Variants in KCNQ5 observed in about 807,000 individuals in gnomAD.
The protein encoded by KCNQ5 is potassium voltage-gated channel subfamily KQT member 5.
KCNQ5 carries 30 observed loss-of-function variants against 98.2 expected under a neutral mutation model. The ratio of observed to expected loss-of-function variants is 0.31; its 90% confidence interval spans 0.23 to 0.41. The LOEUF (loss-of-function observed/expected upper bound fraction) is 0.41. Among genes scored for constraint, KCNQ5 ranks in the 10% least tolerant of loss-of-function variants. The pLI is 1.00. For synonymous variants in KCNQ5, 458 were observed against 449.4 expected, an observed-to-expected ratio of 1.02 and a Z score of -0.24; for missense variants, 835 against 1,182.5, an observed-to-expected ratio of 0.71 and a Z score of 4.31.
intron 1 of KCNQ5, among the ~76,000 whole-genome samples, chr6:72,645,084 A>G (rs555037623): frequency 1.3e-5 from 2 of 151,584 alleles, no homozygotes; most frequent in African/African-American, 4.8e-5. Context: ...ACTCTTACTT[A>G]GGGGTCATGC....
At chr6:72,752,746 T>C (rs939658864) in intron 1 of KCNQ5, among the ~76,000 whole-genome samples, 1 of 152,112 alleles carries the variant, frequency 6.6e-6, no homozygotes. Context: ...CTAAGTTATT[T>C]TGAAGCTGTA....
At chr6:72,736,933 G>A (rs964318627) in intron 1 of KCNQ5, among the ~76,000 whole-genome samples, 2 of 151,804 alleles carry the variant, frequency 1.3e-5, no homozygotes, top group Non-Finnish European at 2.9e-5. Context: ...TTTAAAGAAT[G>A]TCAACTGTAT....
intron 1 of KCNQ5, among the ~76,000 whole-genome samples, chr6:72,882,179 T>C (rs1038697070): frequency 2.0e-5 from 3 of 152,238 alleles, no homozygotes; most frequent in Non-Finnish European, 2.9e-5. Flanking sequence ...AAAGACAGTA[T>C]ACTTTCCCAT....
At chr6:72,668,508 G>C (rs1766939496) in intron 1 of KCNQ5, among the ~76,000 whole-genome samples, 1 of 151,964 alleles carries the variant, frequency 6.6e-6, no homozygotes, top group Non-Finnish European at 1.5e-5. Context: ...ATTTAGAAAA[G>C]TTTTTTTGTG....
At chr6:72,963,470 T>C (rs566277785) in intron 1 of KCNQ5, among the ~76,000 whole-genome samples, 59 of 152,280 alleles carry the variant, frequency 3.9e-4, no homozygotes, top group East Asian at 3.5e-3. Context: ...TCTTACTAAA[T>C]GCCATAGAAA....
At chr6:72,794,920 A>C (rs905818586) in intron 1 of KCNQ5, among the ~76,000 whole-genome samples, 2 of 152,192 alleles carry the variant, frequency 1.3e-5, no homozygotes, top group African/African-American at 2.4e-5. Flanking sequence ...TAAGCAAAAA[A>C]CAAAATGTTA....
rs747268394 is a variant in KCNQ5, at chr6:72,622,330, G to A, written c.141G>A (p.Leu47=). ...KDVESGRGRV[L]LNSAAARGDG... Reference sequence around the variant, plus strand: ...TGGAGTCCGGCCGGGGCAGGGTGCTGCTGAACTCGGCAGCCGCCAGGGGCG... The same window carrying A: ...TGGAGTCCGGCCGGGGCAGGGTGCTACTGAACTCGGCAGCCGCCAGGGGCG... The change falls in exon 1 of 14, where the codon CTG becomes CTA. Residue 47 remains leucine, a synonymous_variant. Transcript: ENST00000370398. The surrounding 1 kb of genome is among the most constrained non-coding windows in gnomAD (Gnocchi z 6.0). 1.4e-6 allele frequency: 2 copies of A among 1,421,590 alleles called. No individual in the cohort carries two copies. The highest frequency in any genetic ancestry group is 1.8e-6 in the Non-Finnish European group (2 of 1,093,082). 88.1% of individuals were successfully genotyped at this position (1,421,590 alleles called of 1,614,324 possible).
intron 1 of KCNQ5, among the ~76,000 whole-genome samples, chr6:72,840,763 A>G (rs538314135): frequency 6.6e-6 from 1 of 152,326 alleles, no homozygotes; most frequent in South Asian, 2.1e-4. Context: ...ACCTTGCAAT[A>G]ATATAGGAAT....
At chr6:73,092,317 T>G (rs936221226) in intron 5 of KCNQ5, among the ~76,000 whole-genome samples, 5 of 152,276 alleles carry the variant, frequency 3.3e-5, no homozygotes, top group Admixed American at 3.3e-4. Flanking sequence ...ATTCATATCA[T>G]CAGCAAACAG....
chr6:72,866,198 A>T (rs12197861), intron 1 of KCNQ5, among the ~76,000 whole-genome samples: 53,395 of 148,756 alleles, frequency 0.36, 10,071 homozygotes, highest in South Asian at 0.5. Context: ...CAACTTTATT[A>T]TGTCCCCTCA....
At chr6:73,176,757 G>A (rs767263372) in intron 11 of KCNQ5, among the ~76,000 whole-genome samples, 4 of 152,144 alleles carry the variant, frequency 2.6e-5, no homozygotes, top group Non-Finnish European at 2.9e-5. Context: ...GGTGAGACAG[G>A]CTGGCTTGAG....
rs1775438898 is a variant in KCNQ5, at chr6:72,815,054, G to A, written c.399-188854G>A. The stretch of plus-strand genomic sequence containing the variant: ...GAAGTGGACCATGGTCAGGAAATAT[G>A]GGATTCAGTTTGGGATAATTTTTTT... On this transcript the variant is annotated intron_variant, in intron 1 of 13. Coordinates refer to ENST00000370398, the MANE Select transcript of KCNQ5 (RefSeq NM_019842.4). 2.6e-5 allele frequency among the ~76,000 whole-genome samples: 4 copies of A among 152,162 alleles called. No individual in the cohort carries two copies. The South Asian group carries it at 8.3e-4, about 31-fold the overall frequency.
At chr6:72,886,690 A>G (rs1778855760) in intron 1 of KCNQ5, among the ~76,000 whole-genome samples, 1 of 152,182 alleles carries the variant, frequency 6.6e-6, no homozygotes, top group Non-Finnish European at 1.5e-5. Context: ...TAAGCAGACA[A>G]CATAAGAAAG....
rs778022470 is a variant in KCNQ5 at position 73,077,476 on chromosome 6, A to G, written c.771A>G (p.Ser257=). ...GAGGCACTTGGAAATTACTGGGTTC[A>G]GTGGTTTATGCTCACAGCAAGGTAA... The part of the protein sequence containing the change: ...RRGGTWKLLG[S]VVYAHSKELI... Residue 257 remains serine (S), a synonymous_variant, in exon 4 of 14, where the codon TCA becomes TCG. Coordinates refer to ENST00000370398, the MANE Select transcript of KCNQ5 (RefSeq NM_019842.4). 4 of 1,613,916 alleles carry G rather than the reference A, an allele frequency of 2.5e-6. No homozygotes were observed. The highest frequency in any genetic ancestry group is 3.4e-6 in the Non-Finnish European group (4 of 1,179,934).
chr6:73,135,432 T>A, intron 10 of KCNQ5: 1 of 148,446 alleles, frequency 6.7e-6, no homozygotes, highest in Non-Finnish European at 1.5e-5. Flanking sequence ...GCCCTCAGTT[T>A]AGAAAAACAA....
chr6:72,639,344 G>A (rs190377859), intron 1 of KCNQ5, among the ~76,000 whole-genome samples: 5 of 152,336 alleles, frequency 3.3e-5, no homozygotes, highest in East Asian at 3.9e-4. Flanking sequence ...GATAGAAGGC[G>A]AGGGGCCAGA....
chr6:72,853,537 T>G (rs1777384888), intron 1 of KCNQ5, among the ~76,000 whole-genome samples: 1 of 152,184 alleles, frequency 6.6e-6, no homozygotes, highest in East Asian at 1.9e-4. Flanking sequence ...AGAGACAGGA[T>G]TTCGCCATGT....
intron 1 of KCNQ5, among the ~76,000 whole-genome samples, chr6:72,948,281 T>C (rs928837667): frequency 2.0e-5 from 3 of 152,002 alleles, no homozygotes; most frequent in Non-Finnish European, 4.4e-5. Context: ...GCCAAGATCT[T>C]TTTAAAACCA....
At chr6:72,984,512 C>T (rs192568312) in intron 1 of KCNQ5, among the ~76,000 whole-genome samples, 2 of 152,250 alleles carry the variant, frequency 1.3e-5, no homozygotes, top group East Asian at 1.9e-4. Context: ...TGAGACCCAT[C>T]GAGCCAGACA....
Sources: allele counts gnomAD v4.1 joint callset (sites outside exome capture counted in the v4.1 genomes callset), GRCh38; gene constraint gnomAD v4.1.1; non-coding constraint Gnocchi (gnomAD v3.1); transcripts MANE v1.5; gene names NCBI Gene and HGNC (gene_info 2026-07-23, HGNC 2026-07-21).